The following SEPTIN3 variants were observed in gnomAD, a reference collection of about 807,000 sequenced individuals.
SEPTIN3 encodes the protein neuronal-specific septin-3.
In SEPTIN3, 15 loss-of-function variants were observed where a neutral mutation model predicts 45.1. That is an observed-to-expected ratio of 0.33 (90% CI 0.22 to 0.51). The LOEUF is 0.51. SEPTIN3 is among the 20% of genes least tolerant of loss of function. The probability of loss-of-function intolerance (pLI) is 0.97; values close to 1 mark genes in which losing one functional copy is unlikely to be tolerated. For missense variants in SEPTIN3, 289 were observed against 457.2 expected (o/e 0.63, Z 3.35); for synonymous variants, 148 against 164.8 (o/e 0.90, Z 0.78).
In SEPTIN3 at chr22:41,997,185, C is replaced by A; in HGVS notation, c.*218C>A. On this transcript the variant is annotated 3_prime_UTR_variant, in exon 12 of 12. Coordinates refer to ENST00000644076, the MANE Select transcript of SEPTIN3 (RefSeq NM_001363845.2). Reference sequence around the variant, plus strand: ...TGGAGTGGGGTTCTGCCAGTACAGCCCTACTGCATCATCTGCGTCAGCCGG... The same window carrying A: ...TGGAGTGGGGTTCTGCCAGTACAGCACTACTGCATCATCTGCGTCAGCCGG... 1 of 812,020 alleles carries A rather than the reference C, an allele frequency of 1.2e-6. No homozygotes were observed. The highest frequency in any genetic ancestry group is 1.9e-6 in the Non-Finnish European group (1 of 536,334). The allele number at this position is 812,020 out of a possible 1,614,324, so 50.3% of individuals were successfully genotyped here. A position where few individuals can be genotyped will look rare whatever the true frequency, so the allele number is the denominator to read the frequency against.
chr22:41,973,600 G>C (rs1398696050), intron 2 of SEPTIN3, among the ~76,000 whole-genome samples: 2 of 152,060 alleles, frequency 1.3e-5, no homozygotes, highest in East Asian at 3.9e-4. Context: ...GTGAACCCGG[G>C]AGGTGGAGCT....
At chr22:41,991,779 G>T in intron 8 of SEPTIN3, 111 bp downstream of exon 8, 1 of 792,688 alleles carries the variant, frequency 1.3e-6, no homozygotes, top group East Asian at 2.5e-5. Context: ...CCCCAACCTT[G>T]CCTGACCCAG....
Position 41,987,299 on chromosome 22 carries a change from CCT to C in SEPTIN3, c.1907+15_1907+16del, listed in dbSNP as rs2078224810. The C allele has an allele frequency of 6.2e-7, 1 of 1,603,964 alleles. No homozygotes were observed. The highest frequency in any genetic ancestry group is 1.7e-5 in the Admixed American group (1 of 58,850). ...AACAATGAAAACTGGTATCTGTCTG[CCT>C]CTGAGATCTTTGCCCTAAAGACTCT... On this transcript the variant is annotated intron_variant, in intron 5 of 11. Transcript: ENST00000644076.
chr22:41,991,348 C>A (rs773644472), intron 7 of SEPTIN3, among the ~76,000 whole-genome samples: 9 of 152,136 alleles, frequency 5.9e-5, no homozygotes, highest in Non-Finnish European at 1.2e-4. Context: ...TGAAGTTGCA[C>A]CTCCTGGCCT....
intron 7 of SEPTIN3, among the ~76,000 whole-genome samples, chr22:41,990,470 G>A (rs1035075900): frequency 6.6e-6 from 1 of 151,884 alleles, no homozygotes; most frequent in African/African-American, 2.4e-5. Flanking sequence ...ATCCAGTTGG[G>A]CGTGGTGGCT....
intron 3 of SEPTIN3, chr22:41,982,135 T>C (rs1040817354): frequency 1.1e-4 from 43 of 384,048 alleles, no homozygotes; most frequent in African/African-American, 7.9e-4. Context: ...GAATCAGCAA[T>C]GTTCTTCCTT....
chr22:41,996,658 G>A (rs2078444364), intron 11 of SEPTIN3: 6 of 1,356,746 alleles, frequency 4.4e-6, no homozygotes, highest in Non-Finnish European at 5.7e-6. Flanking sequence ...CAGCGCTACA[G>A]CCCAGAGGTT....
chr22:41,989,822 T>G (rs2078275229), intron 7 of SEPTIN3, 138 bp downstream of exon 7: 1 of 599,614 alleles, frequency 1.7e-6, no homozygotes, highest in East Asian at 2.8e-5. Flanking sequence ...CCCAGCCCCC[T>G]TCTTAACCAT....
At position 41,986,009 on chromosome 22, in the gene SEPTIN3, G is replaced by A. The variant is rs1046372942; in HGVS notation, c.1722G>A (p.Thr574=). The part of the protein sequence containing the change: ...VVGQSGLGKS[T]LVNTLFKSQV... Reference sequence around the variant, plus strand: ...GCCAGAGTGGACTGGGCAAATCAACGCTGGTCAACACGCTCTTCAAATCCC... The same window carrying A: ...GCCAGAGTGGACTGGGCAAATCAACACTGGTCAACACGCTCTTCAAATCCC... Residue 574 remains threonine, a synonymous_variant, in exon 4 of 12, where the codon ACG becomes ACA. Coordinates refer to ENST00000644076, the MANE Select transcript of SEPTIN3 (RefSeq NM_001363845.2). The A allele has an allele frequency of 1.9e-5, 31 of 1,612,230 alleles. No homozygotes were observed. In the Admixed American group the frequency reaches 3.7e-4, roughly 19 times the overall value.
At position 41,986,008 on chromosome 22, in the gene SEPTIN3, C is replaced by A; in HGVS notation, c.1721C>A (p.Thr574Lys). ...GGCCAGAGTGGACTGGGCAAATCAA[C>A]GCTGGTCAACACGCTCTTCAAATCC... The part of the protein sequence containing the change: ...VVGQSGLGKS[T>K]LVNTLFKSQV... Residue 574 changes from threonine to lysine, a missense_variant, in exon 4 of 12, where the codon ACG becomes AAG. Around this residue, in one of 3 missense-constraint regions of SEPTIN3, gnomAD observed 200 missense variants for 315.1 expected, o/e 0.63. Transcript: ENST00000644076. The A allele has an allele frequency of 6.2e-7, 1 of 1,612,174 alleles. No homozygotes were observed. The highest frequency in any genetic ancestry group is 8.5e-7 in the Non-Finnish European group (1 of 1,179,040).
Position 41,994,319 on chromosome 22 carries a change from C to T in SEPTIN3, c.2389C>T (p.Leu797=), listed in dbSNP as rs1377275863. The part of the protein sequence containing the change: ...VENLNHCEFA[L]LRDFVIRTHL... ...AAACCTCAACCACTGTGAGTTTGCC[C>T]TGCTTCGAGACTTTGTCATCAGGTA... The change falls in exon 10 of 12, where the codon CTG becomes TTG. Residue 797 remains leucine (L), a synonymous_variant. Coordinates refer to ENST00000644076, the MANE Select transcript of SEPTIN3 (RefSeq NM_001363845.2). This position sits in a 1 kb window ranked among gnomAD's most constrained non-coding sequence, Gnocchi z 4.2. 1 of 1,614,056 alleles carries T rather than the reference C, an allele frequency of 6.2e-7. No individual in the cohort carries two copies. The highest frequency in any genetic ancestry group is 2.2e-5 in the East Asian group (1 of 44,888).
chr22:41,995,044 T>C, intron 11 of SEPTIN3: 1 of 1,172,446 alleles, frequency 8.5e-7, no homozygotes, highest in Non-Finnish European at 1.1e-6. Flanking sequence ...CTGTCTCCTT[T>C]CCTTGTGTCC....
intron 11 of SEPTIN3, chr22:41,995,510 C>T: frequency 1.0e-6 from 1 of 985,558 alleles, no homozygotes; most frequent in Non-Finnish European, 1.2e-6. Context: ...TCTCCCTTTC[C>T]CTCCTTCCCT....
chr22:41,996,408 T>G, intron 11 of SEPTIN3: 1 of 986,240 alleles, frequency 1.0e-6, no homozygotes. Context: ...CCTAGGTGTT[T>G]CACTGGTCCT....
At chr22:41,981,342 G>A (rs1225435401) in intron 2 of SEPTIN3, 1 of 329,042 alleles carries the variant, frequency 3.0e-6, no homozygotes, top group African/African-American at 2.1e-5. Flanking sequence ...CAGCCCCTGG[G>A]TTAGATGCAC....
chr22:41,990,745 CA>C (rs71184855), intron 7 of SEPTIN3, among the ~76,000 whole-genome samples: 3,193 of 96,364 alleles, frequency 0.033, 87 homozygotes, highest in African/African-American at 0.13. Context: ...CACTCTATCT[CA>C]AAAAAAAAAA....
chr22:41,988,844 C>G (rs1277752582), intron 6 of SEPTIN3, among the ~76,000 whole-genome samples: 1 of 152,154 alleles, frequency 6.6e-6, no homozygotes, highest in Non-Finnish European at 1.5e-5. Context: ...AAGATGTACA[C>G]ACTAGGCACG....
chr22:41,985,892 A>G, intron 3 of SEPTIN3, 92 bp from the exon 4 acceptor site: 1 of 1,447,102 alleles, frequency 6.9e-7, no homozygotes, highest in Non-Finnish European at 9.3e-7. Flanking sequence ...GGCCTGGATC[A>G]TGGCTCTAGA....
chr22:41,981,632 C>G lies in SEPTIN3; in HGVS notation c.1505-13C>G, dbSNP rs1325756365. ...TGATCACCCCTCCGACCCCTCCCACCTTGGCTCTGCAGGGCTCCCAGAGAC... is the reference window on the plus strand; with the variant it reads ...TGATCACCCCTCCGACCCCTCCCACGTTGGCTCTGCAGGGCTCCCAGAGAC... On this transcript the variant is annotated splice_polypyrimidine_tract_variant and intron_variant, in intron 2 of 11. Coordinates refer to ENST00000644076, the MANE Select transcript of SEPTIN3 (RefSeq NM_001363845.2). 6 of 1,604,544 alleles carry G rather than the reference C, an allele frequency of 3.7e-6. No homozygotes were observed. The highest frequency in any genetic ancestry group is 5.1e-6 in the Non-Finnish European group (6 of 1,174,266).
Sources: allele counts gnomAD v4.1 joint callset (sites outside exome capture counted in the v4.1 genomes callset), GRCh38; gene constraint gnomAD v4.1.1; regional missense constraint gnomAD v4.1.1; non-coding constraint Gnocchi (gnomAD v3.1); transcripts MANE v1.5; gene names NCBI Gene and HGNC (gene_info 2026-07-23, HGNC 2026-07-21).